RFC1: variants seen among roughly 807,000 people sequenced by gnomAD.
The protein encoded by RFC1 is A1 140 kDa subunit.
In RFC1, 37 loss-of-function variants were observed where a neutral mutation model predicts 137.4. The observed-to-expected ratio is 0.27, with a 90% CI of 0.21 to 0.35. RFC1 has a LOEUF of 0.35. RFC1 is among the 10% of genes least tolerant of loss of function. The probability of loss-of-function intolerance (pLI) is 1.00; values close to 1 mark genes in which losing one functional copy is unlikely to be tolerated. For missense variants in RFC1, 1,205 were observed against 1,358.5 expected (o/e 0.89, Z 1.78); for synonymous variants, 429 against 455.7 (o/e 0.94, Z 0.75).
At chr4:39,324,676 G>T (rs1292559172) in intron 6 of RFC1, among the ~76,000 whole-genome samples, 1 of 152,210 alleles carries the variant, frequency 6.6e-6, no homozygotes, top group Non-Finnish European at 1.5e-5. Context: ...GATAAGCACT[G>T]ATGTAACAAT....
At chr4:39,317,054 G>T (rs2109656864) in intron 9 of RFC1, 32 bp from the exon 10 acceptor site, 1 of 1,398,864 alleles carries the variant, frequency 7.1e-7, no homozygotes. Context: ...AATGAACAAA[G>T]TCATACAGAA....
intron 1 of RFC1, among the ~76,000 whole-genome samples, chr4:39,355,506 A>G (rs1741429708): frequency 6.6e-6 from 1 of 152,208 alleles, no homozygotes; most frequent in African/African-American, 2.4e-5. Context: ...CAATAGAAAA[A>G]ATAAATAAAA....
At chr4:39,318,146 G>C (rs1248686816) in intron 9 of RFC1, 1 of 105,920 alleles carries the variant, frequency 9.4e-6, no homozygotes. Flanking sequence ...GACAGAGCGA[G>C]ACTCCGTCTC....
intron 1 of RFC1, among the ~76,000 whole-genome samples, chr4:39,356,329 G>A (rs1741479429): frequency 6.6e-6 from 1 of 152,108 alleles, no homozygotes; most frequent in South Asian, 2.1e-4. Context: ...AGCCCGGGAA[G>A]TGGAGGGTGC....
rs17288461 is a variant in RFC1 at position 39,306,458 on chromosome 4, A to G, written c.1995+134T>C. 8.2e-3 allele frequency: 4,614 copies of G among 562,914 alleles called. 24 individuals are homozygous for G. Among genetic ancestry groups the G allele is most frequent in the Non-Finnish European group, 0.011 (3,515 of 313,938 alleles). The allele number at this position is 562,914 out of a possible 1,614,324, so 34.9% of individuals were successfully genotyped here. On this transcript the variant is annotated intron_variant, in intron 14 of 24. Transcript: ENST00000349703. Reference sequence around the variant, plus strand: ...AAACAGGTTCTAAAGGTTTTATCTTAGAAAAATAAACACAGTTTATATATA... The same window carrying G: ...AAACAGGTTCTAAAGGTTTTATCTTGGAAAAATAAACACAGTTTATATATA...
In RFC1 at chr4:39,287,730, C is replaced by T. The variant is rs1361768591; in HGVS notation, c.*1031G>A. The T allele has an allele frequency of 3.3e-5, 5 of 152,178 alleles. No homozygotes were observed. The highest frequency in any genetic ancestry group is 1.2e-4 in the African/African-American group (5 of 41,426). The allele number at this position is 152,178 out of a possible 1,614,324, so 9.4% of individuals were successfully genotyped here. On this transcript the variant is annotated 3_prime_UTR_variant, in exon 25 of 25. Coordinates refer to ENST00000349703, the MANE Select transcript of RFC1 (RefSeq NM_002913.5). ...CTAGGTCCATAGCCTCACGGCCACT[C>T]AACACATACAGTTATAGGAATAACC...
At position 39,327,631 on chromosome 4, in the gene RFC1, T is replaced by C. The variant is rs1739845191; in HGVS notation, c.457A>G (p.Lys153Glu). The C allele has an allele frequency of 6.2e-7, 1 of 1,613,806 alleles. No homozygotes were observed. Among genetic ancestry groups the C allele is most frequent in the Non-Finnish European group, 8.5e-7 (1 of 1,179,828 alleles). ...KNEENTKTKN[K>E]PLSPIKLTPT... ...GTAAGTTTTATTGGTGATAAAGGCT[T>C]ATTCTTGGTCTTAGTGTTTTCTTCA... The change falls in exon 5 of 25, where the codon AAG becomes GAG. Residue 153 changes from lysine to glutamate, a missense_variant. Transcript: ENST00000349703.
intron 23 of RFC1, 66 bp downstream of exon 23, chr4:39,291,573 C>T (rs1489053160): frequency 1.8e-5 from 21 of 1,143,442 alleles, no homozygotes; most frequent in Non-Finnish European, 2.7e-5. Flanking sequence ...AAAACACCTC[C>T]GAAGTATTGT....
intron 23 of RFC1, among the ~76,000 whole-genome samples, chr4:39,290,975 G>C (rs1221842095): frequency 6.6e-6 from 1 of 152,092 alleles, no homozygotes; most frequent in African/African-American, 2.4e-5. Context: ...TCCTGAATTA[G>C]TCCATGAATT....
chr4:39,350,786 C>T (rs1741144321), intron 2 of RFC1, among the ~76,000 whole-genome samples: 2 of 152,172 alleles, frequency 1.3e-5, no homozygotes, highest in Non-Finnish European at 2.9e-5. Flanking sequence ...AAACTCAGAT[C>T]TTCAGTGAGA....
intron 1 of RFC1, among the ~76,000 whole-genome samples, chr4:39,357,399 G>A (rs977777088): frequency 2.0e-5 from 3 of 152,070 alleles, no homozygotes; most frequent in African/African-American, 7.2e-5. Flanking sequence ...CCAGGTACCT[G>A]ATCCAAAAAT....
chr4:39,294,701 A>G (rs1737883108), intron 22 of RFC1, among the ~76,000 whole-genome samples: 1 of 151,630 alleles, frequency 6.6e-6, no homozygotes. Flanking sequence ...GAAAAGAAAA[A>G]AAAGAAAAAT....
At chr4:39,330,979 G>A (rs189952823) in intron 4 of RFC1, among the ~76,000 whole-genome samples, 35 of 151,930 alleles carry the variant, frequency 2.3e-4, no homozygotes, top group Non-Finnish European at 4.7e-4. Flanking sequence ...TTTGCCAGAC[G>A]GGAAAAAGGC....
At chr4:39,324,393 C>A (rs1207284200) in intron 6 of RFC1, among the ~76,000 whole-genome samples, 1 of 152,078 alleles carries the variant, frequency 6.6e-6, no homozygotes, top group East Asian at 1.9e-4. Flanking sequence ...AAGTACCACA[C>A]CTGGTTTGGA....
intron 1 of RFC1, among the ~76,000 whole-genome samples, chr4:39,353,397 CAAAAA>C (rs11416030): frequency 4.4e-4 from 28 of 63,530 alleles, no homozygotes; most frequent in East Asian, 1.0e-3. Context: ...GAGACTGTCT[CAAAAA>C]AAAAAAAAAA....
chr4:39,360,322 GA>G (rs1174715587), intron 1 of RFC1, among the ~76,000 whole-genome samples: 3 of 152,060 alleles, frequency 2.0e-5, no homozygotes, highest in Non-Finnish European at 4.4e-5. Flanking sequence ...CCAATATGGG[GA>G]AACCCCATCT....
At chr4:39,303,299 A>T in intron 15 of RFC1, 148 bp from the exon 16 acceptor site, 34 of 176,908 alleles carry the variant, frequency 1.9e-4, no homozygotes, top group Non-Finnish European at 2.6e-4. Context: ...GTTGTTAAAG[A>T]AAAAAAAAAA....
In RFC1 at chr4:39,366,340, G is replaced by A. The variant is rs1363867797; in HGVS notation, c.-99C>T. ...TCCATTCGCGCCAACAACTTCTCCC[G>A]CGAAGTGCAAGAAGGCGAAGACAGT... On this transcript the variant is annotated 5_prime_UTR_variant, in exon 1 of 25. Coordinates refer to ENST00000349703, the MANE Select transcript of RFC1 (RefSeq NM_002913.5). The A allele has an allele frequency of 1.0e-5, 14 of 1,337,338 alleles. No individual in the cohort carries two copies. Among genetic ancestry groups the A allele is most frequent in the African/African-American group, 1.5e-5 (1 of 65,822 alleles). 82.8% of individuals were successfully genotyped at this position (1,337,338 alleles called of 1,614,324 possible).
intron 4 of RFC1, among the ~76,000 whole-genome samples, chr4:39,340,240 T>C (rs534943942): frequency 6.6e-6 from 1 of 152,238 alleles, no homozygotes; most frequent in Admixed American, 6.5e-5. Context: ...ATACAGAAGA[T>C]AGGAAAAGAT....
Sources: gnomAD v4.1 joint callset for allele counts (sites outside exome capture counted in the v4.1 genomes callset) on GRCh38, gnomAD v4.1.1 for gene constraint, MANE v1.5 for transcripts, NCBI Gene and HGNC (gene_info 2026-07-23, HGNC 2026-07-21) for gene names.